GNG2: variants seen among roughly 807,000 people sequenced by gnomAD.
GNG2 encodes G protein subunit gamma 2, also known as guanine nucleotide-binding protein G(I)/G(S)/G(O) subunit gamma-2.
Under a neutral mutation model 5.5 loss-of-function variants are expected in GNG2, and 5 were observed. That is an observed-to-expected ratio of 0.91 (90% CI 0.48 to 1.92). The LOEUF (loss-of-function observed/expected upper bound fraction) is 1.92, where lower values mean the gene tolerates loss of function less well. Ranked by LOEUF, GNG2 falls within the 30% of genes most tolerant of loss-of-function variation. The pLI is 0.01. For missense variants in GNG2, 55 were observed against 88.4 expected (o/e 0.62, Z 1.52); for synonymous variants, 28 against 32.0 (o/e 0.88, Z 0.42).
rs78910025 is a variant in GNG2, at chr14:51,829,403, C to G, written c.64+1596C>G. ...AAGGCCCCCAAACACTTACTCCCTC[C>G]TTACCTAGCTCAGATTCCAGAGCTC... is the stretch of plus-strand genomic sequence containing the variant. On this transcript the variant is annotated intron_variant, in intron 2 of 3. Transcript: ENST00000553432. 1.9e-3 allele frequency among the ~76,000 whole-genome samples: 292 copies of G among 152,304 alleles called. 2 individuals carry two copies. Among genetic ancestry groups the G allele is most frequent in the Admixed American group, 5.9e-3 (91 of 15,302 alleles).
At chr14:51,915,200 A>G (rs1195107816) in intron 2 of GNG2, among the ~76,000 whole-genome samples, 1 of 152,224 alleles carries the variant, frequency 6.6e-6, no homozygotes, top group African/African-American at 2.4e-5. Context: ...TTCTTAGAAT[A>G]AGGGCATCAT....
chr14:51,865,375 TCATCACAATGTATACATGTATCAAAA>T (rs1236621446), intron 1 of GNG2, among the ~76,000 whole-genome samples: 1 of 152,138 alleles, frequency 6.6e-6, no homozygotes, highest in African/African-American at 2.4e-5. Flanking sequence ...CCTGATTTGA[TCATCACAATGTATACATGTATCAAAA>T]CATCACATTG....
At chr14:51,834,208 C>CA (rs1881273802) in intron 2 of GNG2, among the ~76,000 whole-genome samples, 1 of 152,192 alleles carries the variant, frequency 6.6e-6, no homozygotes, top group African/African-American at 2.4e-5. Flanking sequence ...GGAATTGTCT[C>CA]AGAGGATTCC....
chr14:51,938,194 C>T (rs1890699), intron 2 of GNG2, among the ~76,000 whole-genome samples: 74,304 of 151,998 alleles, frequency 0.49, 18,595 homozygotes, highest in East Asian at 0.64. Flanking sequence ...AAAAAGGATT[C>T]ACCAACCCTC....
At chr14:51,947,790 G>A (rs1888725222) in intron 2 of GNG2, among the ~76,000 whole-genome samples, 2 of 152,144 alleles carry the variant, frequency 1.3e-5, no homozygotes, top group South Asian at 4.1e-4. Context: ...GCATGAAAAG[G>A]CATTGAGACA....
chr14:51,835,128 G>C (rs1881296325), intron 2 of GNG2, among the ~76,000 whole-genome samples: 1 of 152,190 alleles, frequency 6.6e-6, no homozygotes, highest in South Asian at 2.1e-4. Flanking sequence ...AAGCTTCTAG[G>C]TTAACCTGAT....
At chr14:51,957,989 C>A (rs1889369089) in intron 3 of GNG2, among the ~76,000 whole-genome samples, 1 of 152,130 alleles carries the variant, frequency 6.6e-6, no homozygotes, top group Non-Finnish European at 1.5e-5. Context: ...AGTTTCACTA[C>A]CTGACTAATG....
At chr14:51,949,618 T>C (rs1888856753) in intron 2 of GNG2, among the ~76,000 whole-genome samples, 1 of 152,150 alleles carries the variant, frequency 6.6e-6, no homozygotes, top group Non-Finnish European at 1.5e-5. Flanking sequence ...GGTCATGCAC[T>C]CTAGTCAAAT....
chr14:51,908,232 C>T (rs1253497076), intron 2 of GNG2, among the ~76,000 whole-genome samples: 2 of 152,184 alleles, frequency 1.3e-5, no homozygotes, highest in East Asian at 1.9e-4. Flanking sequence ...CTGCTCATGA[C>T]CTGGCTTTTC....
intron 2 of GNG2, among the ~76,000 whole-genome samples, chr14:51,942,595 T>TCTTTCTTTCTTTCTTTC (rs1413000965): frequency 5.5e-4 from 69 of 125,332 alleles, no homozygotes; most frequent in Admixed American, 7.9e-4. Context: ...CTTTCTTTTT[T>TCTTTCTTTCTTTCTTTC]TTTTTTTTTT....
chr14:51,880,761 T>A (rs1200177022), intron 2 of GNG2, among the ~76,000 whole-genome samples: 1 of 152,076 alleles, frequency 6.6e-6, no homozygotes, highest in Admixed American at 6.6e-5. Flanking sequence ...TCAGGACAGT[T>A]GGTCACTCCA....
At chr14:51,907,174 AG>A (rs2140192652) in intron 2 of GNG2, among the ~76,000 whole-genome samples, 1 of 152,286 alleles carries the variant, frequency 6.6e-6, no homozygotes, top group African/African-American at 2.4e-5. Flanking sequence ...CCTTGGACCG[AG>A]CTAGCAATGA....
intron 2 of GNG2, among the ~76,000 whole-genome samples, chr14:51,891,497 C>A (rs1196033432): frequency 6.6e-6 from 1 of 152,198 alleles, no homozygotes; most frequent in Non-Finnish European, 1.5e-5. Context: ...AACAAACCCA[C>A]ATACATTCCC....
At chr14:51,908,146 G>A (rs1886052178) in intron 2 of GNG2, among the ~76,000 whole-genome samples, 2 of 152,206 alleles carry the variant, frequency 1.3e-5, no homozygotes, top group African/African-American at 2.4e-5. Context: ...TGGGCCTGGA[G>A]GATCTGGTTC....
chr14:51,849,636 T>C (rs1881815229), intron 2 of GNG2, among the ~76,000 whole-genome samples: 1 of 152,216 alleles, frequency 6.6e-6, no homozygotes, highest in African/African-American at 2.4e-5. Context: ...TAATGCTACC[T>C]GACATATTTA....
At chr14:51,925,622 T>A (rs920159888) in intron 2 of GNG2, among the ~76,000 whole-genome samples, 2 of 152,170 alleles carry the variant, frequency 1.3e-5, no homozygotes, top group African/African-American at 4.8e-5. Context: ...TCTTTTATAT[T>A]ATTTTTTGAG....
At chr14:51,958,506 T>C (rs1042679304) in intron 3 of GNG2, among the ~76,000 whole-genome samples, 1 of 147,454 alleles carries the variant, frequency 6.8e-6, no homozygotes, top group South Asian at 2.2e-4. Flanking sequence ...AAGTTCTCAC[T>C]GACACCACCA....
intron 2 of GNG2, among the ~76,000 whole-genome samples, chr14:51,880,176 A>G (rs1439621828): frequency 1.3e-5 from 2 of 152,194 alleles, no homozygotes; most frequent in African/African-American, 2.4e-5. Flanking sequence ...TACTATAGGT[A>G]TGGCCCCTAG....
In GNG2 at chr14:51,912,080, A is replaced by G. The variant is rs368692164; in HGVS notation, c.-30+34423A>G. On this transcript the variant is annotated intron_variant, in intron 2 of 3. Coordinates refer to ENST00000556766, the MANE Select transcript of GNG2 (RefSeq NM_053064.5). ...TTTCAAGATGAGGAAATGGAGGCAC[A>G]CAGGTTAAGTAACTTGCCCAGCATC... 6.5e-5 allele frequency among the ~76,000 whole-genome samples: 9 copies of G among 137,438 alleles called. 1 individual carries two copies. The South Asian group carries it at 1.9e-3, about 30-fold the overall frequency. 90.2% of individuals were successfully genotyped at this position (137,438 alleles called of 152,430 possible).
Sources: allele counts gnomAD v4.1 joint callset (sites outside exome capture counted in the v4.1 genomes callset), GRCh38; gene constraint gnomAD v4.1.1; transcripts MANE v1.5; gene names NCBI Gene and HGNC (gene_info 2026-07-23, HGNC 2026-07-21).